The following ME1 variants were observed in gnomAD, a reference collection of about 807,000 sequenced individuals.
ME1 encodes the protein NADP-dependent malic enzyme.
Under a neutral mutation model 66.4 loss-of-function variants are expected in ME1, and 74 were observed. The observed-to-expected ratio is 1.11, with a 90% CI of 0.92 to 1.35. The LOEUF is 1.35. ME1 is among the 40% of genes most tolerant of loss of function. The pLI is 0.00. For missense variants in ME1, 750 were observed against 694.1 expected, an observed-to-expected ratio of 1.08 and a Z score of -0.90; for synonymous variants, 251 against 235.6, an observed-to-expected ratio of 1.07 and a Z score of -0.60.
chr6:83,237,333 G>GA (rs1441160388), intron 9 of ME1, among the ~76,000 whole-genome samples: 20 of 144,658 alleles, frequency 1.4e-4, no homozygotes, highest in African/African-American at 4.8e-4. Flanking sequence ...GGAAAGGAAG[G>GA]AAGGAAGGAA....
chr6:83,316,149 A>G (rs945258413), intron 5 of ME1, among the ~76,000 whole-genome samples: 1 of 152,186 alleles, frequency 6.6e-6, no homozygotes, highest in Admixed American at 6.6e-5. Flanking sequence ...ATTATCAAAC[A>G]ATGGTTTTAC....
At chr6:83,351,158 G>C (rs1031926630) in intron 4 of ME1, among the ~76,000 whole-genome samples, 9 of 152,200 alleles carry the variant, frequency 5.9e-5, no homozygotes, top group Admixed American at 2.6e-4. Flanking sequence ...ACTTTGGGAA[G>C]CTCAGGCAGG....
intron 1 of ME1, among the ~76,000 whole-genome samples, chr6:83,430,242 A>C (rs1770459831): frequency 6.6e-6 from 1 of 152,240 alleles, no homozygotes; most frequent in African/African-American, 2.4e-5. Flanking sequence ...CTTTACCCAC[A>C]GTCCCATGTC....
At chr6:83,218,489 G>C (rs892940449) in intron 12 of ME1, among the ~76,000 whole-genome samples, 2 of 152,166 alleles carry the variant, frequency 1.3e-5, no homozygotes, top group African/African-American at 4.8e-5. Flanking sequence ...CAGACAGACA[G>C]GGTGGCTGTA....
chr6:83,385,798 C>G (rs1046014080), intron 3 of ME1, among the ~76,000 whole-genome samples: 2 of 151,828 alleles, frequency 1.3e-5, no homozygotes, highest in Non-Finnish European at 2.9e-5. Context: ...ATATAGAATA[C>G]TCTACCTCAC....
At chr6:83,229,184 A>G in intron 9 of ME1, 1 of 535,300 alleles carries the variant, frequency 1.9e-6, no homozygotes, top group Admixed American at 2.4e-5. Context: ...ATTGATATTA[A>G]AAATCCTAAT....
intron 1 of ME1, among the ~76,000 whole-genome samples, chr6:83,421,943 A>G (rs867492066): frequency 3.3e-5 from 5 of 152,082 alleles, no homozygotes; most frequent in African/African-American, 4.8e-5. Context: ...CTGTCTTCCA[A>G]TCGTATGGCA....
intron 9 of ME1, among the ~76,000 whole-genome samples, chr6:83,233,223 T>C (rs1790335977): frequency 6.6e-6 from 1 of 152,148 alleles, no homozygotes; most frequent in Admixed American, 6.5e-5. Flanking sequence ...ATTCTTACTT[T>C]AATTTTTGTT....
At chr6:83,361,980 C>T (rs1769014154) in intron 3 of ME1, among the ~76,000 whole-genome samples, 1 of 152,174 alleles carries the variant, frequency 6.6e-6, no homozygotes, top group South Asian at 2.1e-4. Flanking sequence ...ATGAGGAGTT[C>T]CCTATGATCA....
chr6:83,315,869 C>A (rs1214002975), intron 5 of ME1, among the ~76,000 whole-genome samples: 1 of 151,890 alleles, frequency 6.6e-6, no homozygotes, highest in Non-Finnish European at 1.5e-5. Context: ...TGCACTCCAG[C>A]CTGGGCAACA....
intron 6 of ME1, among the ~76,000 whole-genome samples, chr6:83,272,848 A>C (rs1245819497): frequency 3.9e-5 from 6 of 152,184 alleles, no homozygotes; most frequent in African/African-American, 1.4e-4. Context: ...CATGTAAACT[A>C]ATTCTCTAAA....
intron 7 of ME1, among the ~76,000 whole-genome samples, chr6:83,243,823 A>AAT (rs1385633833): frequency 7.5e-6 from 1 of 133,572 alleles, no homozygotes; most frequent in Non-Finnish European, 1.5e-5. Context: ...ATATTTATAT[A>AAT]ATATAATATA....
intron 3 of ME1, among the ~76,000 whole-genome samples, chr6:83,382,161 G>A (rs1255252753): frequency 6.6e-6 from 1 of 151,122 alleles, no homozygotes; most frequent in Non-Finnish European, 1.5e-5. Context: ...GTTTATCATT[G>A]TCCTCTGTTC....
intron 3 of ME1, among the ~76,000 whole-genome samples, chr6:83,378,890 G>T (rs1053443413): frequency 6.6e-6 from 1 of 151,974 alleles, no homozygotes; most frequent in Admixed American, 6.6e-5. Flanking sequence ...TGCCCTCTGG[G>T]ATTGCTTGAG....
chr6:83,315,679 A>G (rs1285397582), intron 5 of ME1, among the ~76,000 whole-genome samples: 1 of 152,164 alleles, frequency 6.6e-6, no homozygotes, highest in Non-Finnish European at 1.5e-5. Context: ...CAGGCAGATC[A>G]CGAGGTCAGG....
chr6:83,315,529 G>A (rs1424591216), intron 5 of ME1, 116 bp from the exon 6 acceptor site: 2 of 634,864 alleles, frequency 3.2e-6, no homozygotes, highest in Non-Finnish European at 5.5e-6. Context: ...TTACCATACT[G>A]ATTCAGAATT....
intron 3 of ME1, among the ~76,000 whole-genome samples, chr6:83,364,033 G>C (rs1224557649): frequency 6.6e-6 from 1 of 152,158 alleles, no homozygotes; most frequent in Non-Finnish European, 1.5e-5. Context: ...GTGTCAACTT[G>C]ATAGGATTGA....
chr6:83,242,436 G>A (rs1192240343), intron 7 of ME1, among the ~76,000 whole-genome samples: 4 of 152,120 alleles, frequency 2.6e-5, no homozygotes, highest in Admixed American at 6.6e-5. Context: ...TAAATAGATT[G>A]GGTAAAATAC....
intron 6 of ME1, among the ~76,000 whole-genome samples, chr6:83,300,500 A>G (rs2128536597): frequency 6.6e-6 from 1 of 152,194 alleles, no homozygotes; most frequent in African/African-American, 2.4e-5. Flanking sequence ...GACAAGGTCT[A>G]ACATCCATTA....
Sources: allele counts gnomAD v4.1 joint callset (sites outside exome capture counted in the v4.1 genomes callset), GRCh38; gene constraint gnomAD v4.1.1; transcripts MANE v1.5; gene names NCBI Gene and HGNC (gene_info 2026-07-23, HGNC 2026-07-21).